SUGT1: variants seen among roughly 807,000 people sequenced by gnomAD.
SUGT1 encodes the protein SGT1 assembly cochaperone of MIS12 kinetochore complex, also known as protein SGT1 homolog.
Under a neutral mutation model 56.1 loss-of-function variants are expected in SUGT1, and 15 were observed. The observed-to-expected ratio is 0.27, with a 90% CI of 0.18 to 0.41. The LOEUF is 0.41. Among genes scored for constraint, SUGT1 ranks in the 10% least tolerant of loss-of-function variants. SUGT1 has a pLI of 1.00. For missense variants in SUGT1, 347 were observed against 382.2 expected (o/e 0.91, Z 0.77); for synonymous variants, 123 against 128.6 (o/e 0.96, Z 0.30).
Position 52,698,103 on chromosome 13 carries a change from T to C in SUGT1, c.*10268T>C, listed in dbSNP as rs1460915638. ...GGTTGTGAACAGGGACTTAGGAATA[T>C]GTGTAGCATAGGATTTTATTTTAGA... is the stretch of plus-strand genomic sequence containing the variant. On this transcript the variant is annotated 3_prime_UTR_variant, in exon 13 of 13. Coordinates refer to ENST00000310528, the MANE Select transcript of SUGT1 (RefSeq NM_006704.5). 2 of 152,198 alleles carry C rather than the reference T, an allele frequency of 1.3e-5. No individual in the cohort carries two copies. The highest frequency in any genetic ancestry group is 2.9e-5 in the Non-Finnish European group (2 of 68,038). 9.4% of individuals were successfully genotyped at this position (152,198 alleles called of 1,614,324 possible).
At chr13:52,676,409 T>G in intron 11 of SUGT1, 89 bp downstream of exon 11, 1 of 1,094,326 alleles carries the variant, frequency 9.1e-7, no homozygotes, top group Non-Finnish European at 1.3e-6. Flanking sequence ...TTACTTTCAT[T>G]ATTTATGTTC....
chr13:52,675,416 A>G (rs979276247), intron 10 of SUGT1, among the ~76,000 whole-genome samples: 33 of 152,056 alleles, frequency 2.2e-4, no homozygotes, highest in African/African-American at 6.8e-4. Flanking sequence ...TCTACGAAAA[A>G]TTTTAAAAAC....
At chr13:52,654,451 A>G (rs1052604352) in intron 2 of SUGT1, among the ~76,000 whole-genome samples, 23 of 152,232 alleles carry the variant, frequency 1.5e-4, no homozygotes, top group Admixed American at 1.5e-3. Context: ...TACTTTAAAA[A>G]TTTTTATGGA....
intron 11 of SUGT1, 44 bp downstream of exon 11, chr13:52,676,364 G>C (rs1454998339): frequency 1.4e-6 from 2 of 1,476,698 alleles, no homozygotes; most frequent in Non-Finnish European, 1.8e-6. Flanking sequence ...ATATTGTGTT[G>C]TGTAATTGAA....
intron 12 of SUGT1, among the ~76,000 whole-genome samples, chr13:52,680,647 C>T (rs766874207): frequency 6.6e-6 from 1 of 152,134 alleles, no homozygotes; most frequent in Non-Finnish European, 1.5e-5. Context: ...AATAATTCGT[C>T]ATTGTATATT....
intron 10 of SUGT1, among the ~76,000 whole-genome samples, chr13:52,667,623 A>G (rs904403885): frequency 3.9e-5 from 6 of 152,136 alleles, no homozygotes; most frequent in African/African-American, 1.2e-4. Flanking sequence ...TGAGGGAACA[A>G]TGAGTAAATT....
chr13:52,654,944 T>C (rs1166450734), intron 2 of SUGT1, among the ~76,000 whole-genome samples: 2 of 152,240 alleles, frequency 1.3e-5, no homozygotes, highest in Non-Finnish European at 2.9e-5. Context: ...CTTTTGGTTG[T>C]ATGTACCTAG....
In SUGT1 at chr13:52,662,697, A is replaced by T; in HGVS notation, c.377A>T (p.Gln126Leu). The T allele has an allele frequency of 6.2e-7, 1 of 1,613,438 alleles. No individual in the cohort carries two copies. Among genetic ancestry groups the T allele is most frequent in the Non-Finnish European group, 8.5e-7 (1 of 1,179,668 alleles). ...SVWIKRCQEA[Q>L]NGSESEVWTH... ...TGGATTAAAAGGTGTCAAGAAGCTC[A>T]GAATGGTATGTGGGTCTCCCTTGGT... Residue 126 changes from glutamine to leucine, a missense_variant, in exon 6 of 13, where the codon CAG (glutamine) becomes CTG (leucine). Physicochemically the swap from Gln to Leu is moderately radical, Grantham distance 113. Coordinates refer to ENST00000310528, the MANE Select transcript of SUGT1 (RefSeq NM_006704.5).
intron 12 of SUGT1, among the ~76,000 whole-genome samples, chr13:52,686,750 T>G (rs1274913011): frequency 6.6e-6 from 1 of 152,200 alleles, no homozygotes; most frequent in Non-Finnish European, 1.5e-5. Context: ...TTCAAATCCA[T>G]TGATTTTTAT....
In SUGT1 at chr13:52,689,745, G is replaced by C. The variant is rs1163866367; in HGVS notation, c.*1910G>C. Reference sequence around the variant, plus strand: ...GCATTTTGGGAGGCGGAGGTGGGCAGATCACCTGAGGTCAGGAGTTCAAGA... The same window carrying C: ...GCATTTTGGGAGGCGGAGGTGGGCACATCACCTGAGGTCAGGAGTTCAAGA... On this transcript the variant is annotated 3_prime_UTR_variant, in exon 13 of 13. Coordinates refer to ENST00000310528, the MANE Select transcript of SUGT1 (RefSeq NM_006704.5). The C allele has an allele frequency of 1.3e-5, 2 of 152,234 alleles. No individual in the cohort carries two copies. The highest frequency in any genetic ancestry group is 2.9e-5 in the Non-Finnish European group (2 of 68,100). The allele number at this position is 152,234 out of a possible 1,614,324, so 9.4% of individuals were successfully genotyped here.
At chr13:52,681,459 A>G (rs937529691) in intron 12 of SUGT1, among the ~76,000 whole-genome samples, 1 of 151,956 alleles carries the variant, frequency 6.6e-6, no homozygotes, top group African/African-American at 2.4e-5. Context: ...GTTTTGAGAT[A>G]ATTGTAGATT....
In SUGT1 at chr13:52,664,075, A is replaced by C; in HGVS notation, c.422+18A>C. On this transcript the variant is annotated intron_variant, in intron 8 of 12. Coordinates refer to ENST00000310528, the MANE Select transcript of SUGT1 (RefSeq NM_006704.5). ...AAAATCAAGTGAGTGTTTCTTTTTC[A>C]TAAAACAATGCATGATAAATATGCC... The C allele has an allele frequency of 1.9e-6, 3 of 1,611,244 alleles. No individual in the cohort carries two copies. Among genetic ancestry groups the C allele is most frequent in the Non-Finnish European group, 2.5e-6 (3 of 1,177,960 alleles).
intron 8 of SUGT1, among the ~76,000 whole-genome samples, chr13:52,664,915 A>G (rs1313572029): frequency 6.6e-6 from 1 of 152,184 alleles, no homozygotes; most frequent in Admixed American, 6.5e-5. Flanking sequence ...GCGACAGGAT[A>G]AACAGCTCTG....
rs1388855813 is a variant in SUGT1, at chr13:52,692,800, T to C, written c.*4965T>C. 2 of 152,238 alleles carry C rather than the reference T, an allele frequency of 1.3e-5. No homozygotes were observed. Among genetic ancestry groups the C allele is most frequent in the Admixed American group, 6.5e-5 (1 of 15,286 alleles). 9.4% of individuals were successfully genotyped at this position (152,238 alleles called of 1,614,324 possible). A position where few individuals can be genotyped will look rare whatever the true frequency, so the allele number is the denominator to read the frequency against. On this transcript the variant is annotated 3_prime_UTR_variant, in exon 13 of 13. Transcript: ENST00000310528. ...AAAGCTTATTAGGAATCCAAATCTT[T>C]TGCCTCATACTGGAAGTAATGCAAA...
chr13:52,675,184 C>G (rs988667036), intron 10 of SUGT1, among the ~76,000 whole-genome samples: 9 of 152,196 alleles, frequency 5.9e-5, no homozygotes, highest in Non-Finnish European at 1.3e-4. Context: ...GGTGTGCTCT[C>G]TCCTGAGCTT....
intron 5 of SUGT1, among the ~76,000 whole-genome samples, chr13:52,660,527 T>C (rs1962394587): frequency 6.6e-6 from 1 of 152,232 alleles, no homozygotes; most frequent in Non-Finnish European, 1.5e-5. Flanking sequence ...TGTACTGTTT[T>C]GAATGTTTGC....
chr13:52,663,762 T>G (rs975331466), intron 7 of SUGT1, among the ~76,000 whole-genome samples: 5 of 152,238 alleles, frequency 3.3e-5, no homozygotes, highest in Admixed American at 2.6e-4. Flanking sequence ...TTTTCTGTTA[T>G]TTAAAGTTCT....
intron 2 of SUGT1, among the ~76,000 whole-genome samples, chr13:52,657,047 G>A (rs1487742322): frequency 6.6e-6 from 1 of 152,192 alleles, no homozygotes; most frequent in Non-Finnish European, 1.5e-5. Flanking sequence ...TAGAGGCTAG[G>A]AGAGGGCCAG....
chr13:52,653,952 TGAG>T (rs1449144486), intron 2 of SUGT1, among the ~76,000 whole-genome samples: 2 of 152,198 alleles, frequency 1.3e-5, no homozygotes, highest in African/African-American at 2.4e-5. Flanking sequence ...GAGCCTCCGT[TGAG>T]GAGATCTTTG....
Sources: gnomAD v4.1 joint callset for allele counts (sites outside exome capture counted in the v4.1 genomes callset) on GRCh38, gnomAD v4.1.1 for gene constraint, MANE v1.5 for transcripts, NCBI Gene and HGNC (gene_info 2026-07-23, HGNC 2026-07-21) for gene names.